The following NSD1 variants were observed in gnomAD, a reference collection of about 807,000 sequenced individuals.
NSD1 encodes histone-lysine N-methyltransferase, H3 lysine-36 specific.
A neutral mutation model predicts 242.7 loss-of-function variants in NSD1; 26 were observed. The ratio of observed to expected loss-of-function variants is 0.11; its 90% CI spans 0.08 to 0.15. NSD1 has a LOEUF of 0.15. Among genes scored for constraint, NSD1 ranks in the 10% least tolerant of loss-of-function variants. The pLI, the probability that NSD1 is intolerant of heterozygous loss-of-function variation, is 1.00. For synonymous variants in NSD1, 1,106 were observed against 1,178.1 expected, an observed-to-expected ratio of 0.94 and a Z score of 1.25; for missense variants, 2,495 against 3,272.8, an observed-to-expected ratio of 0.76 and a Z score of 5.80.
rs56991691 is a variant in NSD1, at chr5:177,251,943, G to A, written c.4765+90G>A. On this transcript the variant is annotated intron_variant, in intron 12 of 22. Transcript: ENST00000439151. ...CATTTATTGGAGACACTATTTTGTG[G>A]CAACACTGGGCTAGTTGTTACAGAT... 7,659 of 1,486,590 alleles carry A rather than the reference G, an allele frequency of 5.2e-3. 336 individuals are homozygous for A. In the African/African-American group the frequency reaches 0.094, roughly 18 times the overall value. 92.1% of individuals were successfully genotyped at this position (1,486,590 alleles called of 1,614,324 possible). A position where few individuals can be genotyped will look rare whatever the true frequency, so the allele number is the denominator to read the frequency against.
intron 5 of NSD1, 117 bp from the exon 6 acceptor site, chr5:177,235,704 T>C (rs1358425757): frequency 7.6e-7 from 1 of 1,320,284 alleles, no homozygotes; most frequent in Non-Finnish European, 1.1e-6. Flanking sequence ...AGCCATAGTC[T>C]ATTTTACTAT....
intron 2 of NSD1, among the ~76,000 whole-genome samples, chr5:177,175,945 G>A (rs534546031): frequency 7.3e-5 from 11 of 151,092 alleles, no homozygotes; most frequent in African/African-American, 1.7e-4. Context: ...GCGCCATCTC[G>A]GCTCACTGCA....
intron 5 of NSD1, among the ~76,000 whole-genome samples, chr5:177,220,440 G>T (rs1242373382): frequency 6.6e-6 from 1 of 151,840 alleles, no homozygotes; most frequent in Admixed American, 6.6e-5. Context: ...GAGATTTAAG[G>T]CTCACTTAAA....
At chr5:177,281,214 C>T (rs1758848173) in intron 18 of NSD1, among the ~76,000 whole-genome samples, 1 of 152,056 alleles carries the variant, frequency 6.6e-6, no homozygotes, top group Admixed American at 6.6e-5. Context: ...ACAGGTCTGG[C>T]TTCATGAAAC....
chr5:177,190,673 G>GTT (rs1001135152), intron 2 of NSD1, among the ~76,000 whole-genome samples: 1 of 144,982 alleles, frequency 6.9e-6, no homozygotes, highest in Non-Finnish European at 1.5e-5. Context: ...CTAATCCCAG[G>GTT]TTTTTTTTTT....
intron 5 of NSD1, among the ~76,000 whole-genome samples, chr5:177,227,223 G>C (rs543910921): frequency 1.1e-4 from 17 of 152,246 alleles, no homozygotes; most frequent in African/African-American, 3.6e-4. Context: ...GCAATTTTCT[G>C]TGATACATCC....
intron 2 of NSD1, among the ~76,000 whole-genome samples, chr5:177,185,459 A>G (rs1581235097): frequency 6.6e-6 from 1 of 150,986 alleles, no homozygotes; most frequent in South Asian, 2.1e-4. Context: ...TTAGCCGGGC[A>G]TGGTGGCAGG....
chr5:177,132,443 C>A (rs2149751287), upstream of NSD1, among the ~76,000 whole-genome samples: 1 of 151,844 alleles, frequency 6.6e-6, no homozygotes, highest in South Asian at 2.1e-4. The surrounding 1 kb of genome is among the most constrained non-coding windows in gnomAD (Gnocchi z 7.5). Flanking sequence ...CAGGCCCAGA[C>A]CTTGACTAGG....
intron 2 of NSD1, among the ~76,000 whole-genome samples, chr5:177,168,549 T>C (rs1382675978): frequency 1.3e-5 from 2 of 150,554 alleles, no homozygotes; most frequent in African/African-American, 2.4e-5. Flanking sequence ...AGCCTCTGCC[T>C]CCCGGGTTCA....
intron 3 of NSD1, among the ~76,000 whole-genome samples, chr5:177,200,701 G>A (rs1034376228): frequency 6.6e-6 from 1 of 151,964 alleles, no homozygotes; most frequent in African/African-American, 2.4e-5. Context: ...TGTCTTCTAA[G>A]TTCATCAATG....
At chr5:177,251,204 A>AT (rs397883000) in intron 11 of NSD1, among the ~76,000 whole-genome samples, 6 of 151,840 alleles carry the variant, frequency 4.0e-5, no homozygotes, top group African/African-American at 1.5e-4. Context: ...AAAAAAAAAA[A>AT]TTGATAAATC....
At chr5:177,159,169 A>G (rs1175959586) in intron 2 of NSD1, among the ~76,000 whole-genome samples, 1 of 150,722 alleles carries the variant, frequency 6.6e-6, no homozygotes, top group Non-Finnish European at 1.5e-5. Flanking sequence ...CAGCCTCCCG[A>G]GTTGCTGGGA....
chr5:177,280,935 A>G lies in NSD1; in HGVS notation c.5892+101A>G. The G allele has an allele frequency of 3.1e-6, 4 of 1,275,092 alleles. No individual in the cohort carries two copies. In the East Asian group the frequency reaches 7.0e-5, roughly 22 times the overall value. 79.0% of individuals were successfully genotyped at this position (1,275,092 alleles called of 1,614,324 possible). On this transcript the variant is annotated intron_variant, in intron 18 of 22. Transcript: ENST00000439151. ...AATTCATCATAGAAGAAAATAACAC[A>G]GTTAATAATTAACCTTATTGTTGTG...
At position 177,134,224 on chromosome 5, in the gene NSD1, C is replaced by T. The variant is rs1351833877; in HGVS notation, c.-18+272C>T. The T allele has an allele frequency of 1.3e-5, 2 of 151,350 alleles. No individual in the cohort carries two copies. The highest frequency in any genetic ancestry group is 1.3e-4 in the Admixed American group (2 of 15,230). 9.4% of individuals were successfully genotyped at this position (151,350 alleles called of 1,614,324 possible). ...TGCCCCGCCGGCCGCCTGCGAACACCTCGGCCTCCGCCTCCCCTCAGGTAG... is the reference window on the plus strand; with the variant it reads ...TGCCCCGCCGGCCGCCTGCGAACACTTCGGCCTCCGCCTCCCCTCAGGTAG... On this transcript the variant is annotated intron_variant, in intron 1 of 22. Coordinates refer to ENST00000439151, the MANE Select transcript of NSD1 (RefSeq NM_022455.5). This position sits in a 1 kb window ranked among gnomAD's most constrained non-coding sequence, Gnocchi z 4.2.
chr5:177,188,237 C>T (rs1459229489), intron 2 of NSD1, among the ~76,000 whole-genome samples: 5 of 152,254 alleles, frequency 3.3e-5, no homozygotes, highest in South Asian at 2.1e-4. Context: ...TTAAGCTGGT[C>T]TTAAAGTCGT....
chr5:177,133,660 G>T (rs1756024263), upstream of NSD1: 1 of 149,458 alleles, frequency 6.7e-6, no homozygotes, highest in East Asian at 2.0e-4. This position sits in a 1 kb window ranked among gnomAD's most constrained non-coding sequence, Gnocchi z 6.2. Context: ...GCGCGCGCTC[G>T]GTGGGGGAAG....
chr5:177,298,406 C>G lies in NSD1; in HGVS notation c.*2947C>G. The G allele has an allele frequency of 4.3e-6, 1 of 233,238 alleles. No homozygotes were observed. Among genetic ancestry groups the G allele is most frequent in the Non-Finnish European group, 8.5e-6 (1 of 118,034 alleles). The allele number at this position is 233,238 out of a possible 1,614,324, so 14.4% of individuals were successfully genotyped here. On this transcript the variant is annotated 3_prime_UTR_variant, in exon 23 of 23. Transcript: ENST00000439151. Reference sequence around the variant, plus strand: ...AGCTAGAAAGCCAATACATCTAGCCCTGCTAAGTCAGAAAAAGATTATGAA... The same window carrying G: ...AGCTAGAAAGCCAATACATCTAGCCGTGCTAAGTCAGAAAAAGATTATGAA...
Position 177,294,662 on chromosome 5 carries a change from C to T in NSD1, c.7294C>T (p.Leu2432Phe). 1 of 1,614,212 alleles carries T rather than the reference C, an allele frequency of 6.2e-7. No individual in the cohort carries two copies. Among genetic ancestry groups the T allele is most frequent in the Non-Finnish European group, 8.5e-7 (1 of 1,180,042 alleles). ...AGTACTATCAGCTGTGGTCCAGACC[C>T]TTGTAGCTAAAGAAAAAGCACTGAG... ...EKVLSAVVQT[L>F]VAKEKALRPV... The change falls in exon 23 of 23, where the codon CTT (leucine) becomes TTT (phenylalanine). Residue 2432 changes from leucine to phenylalanine, a missense_variant. Transcript: ENST00000439151.
chr5:177,265,379 T>C, intron 14 of NSD1: 1 of 599,824 alleles, frequency 1.7e-6, no homozygotes. Flanking sequence ...GCTGAAGATT[T>C]ATTGGCATAA....
Sources: gnomAD v4.1 joint callset for allele counts (sites outside exome capture counted in the v4.1 genomes callset) on GRCh38, gnomAD v4.1.1 for gene constraint, Gnocchi (gnomAD v3.1) non-coding constraint, MANE v1.5 for transcripts, NCBI Gene and HGNC (gene_info 2026-07-23, HGNC 2026-07-21) for gene names.